Variants in CDH13 observed in about 807,000 individuals in gnomAD.
CDH13 encodes cadherin 13.
In CDH13, 24 loss-of-function variants were observed where a neutral mutation model predicts 63.8. That is an observed-to-expected ratio of 0.38 (90% CI 0.27 to 0.53). The LOEUF (loss-of-function observed/expected upper bound fraction) is 0.53, where lower values mean the gene tolerates loss of function less well. CDH13 is among the 20% of genes least tolerant of loss of function. The pLI is 0.85. For synonymous variants in CDH13, 503 were observed against 355.3 expected, an observed-to-expected ratio of 1.42 and a Z score of -4.67; for missense variants, 1,049 against 903.1, an observed-to-expected ratio of 1.16 and a Z score of -2.07.
chr16:82,723,672 A>T (rs1415827215), intron 1 of CDH13, among the ~76,000 whole-genome samples: 1 of 152,214 alleles, frequency 6.6e-6, no homozygotes, highest in Non-Finnish European at 1.5e-5. Context: ...ACAAAACTCC[A>T]CACCAGATTG....
chr16:83,780,010 T>C lies in CDH13; in HGVS notation c.1724T>C (p.Leu575Pro). 1 of 1,613,926 alleles carries C rather than the reference T, an allele frequency of 6.2e-7. No individual in the cohort carries two copies. Among genetic ancestry groups the C allele is most frequent in the Non-Finnish European group, 8.5e-7 (1 of 1,179,824 alleles). Residue 575 changes from leucine (L) to proline (P), a missense_variant, in exon 12 of 14, where the codon CTG (leucine) becomes CCG (proline). Physicochemically the swap from Leu to Pro is moderately conservative, Grantham distance 98 (BLOSUM62 -3). Transcript: ENST00000567109. ...ATGTGTLLIT[L>P]EDVNDNAPFI... is the part of the protein sequence containing the mutation. ...GGCACTGGGACTTTGCTGATAACCC[T>C]GGAGGACGTGAATGACAATGCCCCG...
At chr16:83,750,976 TA>T (rs11297972) in intron 11 of CDH13, among the ~76,000 whole-genome samples, 72,660 of 147,822 alleles carry the variant, frequency 0.49, 18,563 homozygotes, top group African/African-American at 0.68. Context: ...CTTAACTATT[TA>T]AAAAAAAAAA....
intron 8 of CDH13, among the ~76,000 whole-genome samples, chr16:83,663,408 T>C (rs1277861952): frequency 6.6e-6 from 1 of 152,210 alleles, no homozygotes; most frequent in Non-Finnish European, 1.5e-5. Context: ...ATCTCTGTCA[T>C]TTGGACTACA....
intron 6 of CDH13, among the ~76,000 whole-genome samples, chr16:83,438,384 C>T (rs1402066494): frequency 6.6e-6 from 1 of 152,180 alleles, no homozygotes; most frequent in Non-Finnish European, 1.5e-5. Context: ...ACTTACCTTC[C>T]TGTAGGTTGA....
intron 1 of CDH13, among the ~76,000 whole-genome samples, chr16:82,856,670 G>A (rs1428425167): frequency 7.5e-5 from 8 of 107,080 alleles, no homozygotes; most frequent in African/African-American, 2.5e-4. Context: ...CTCCAGCCTG[G>A]GCAACATGGC....
chr16:83,706,729 G>C (rs911938437), intron 10 of CDH13, among the ~76,000 whole-genome samples: 3 of 152,152 alleles, frequency 2.0e-5, no homozygotes, highest in African/African-American at 7.2e-5. Context: ...GAGAAGCAAA[G>C]AAAAATAGGA....
chr16:83,352,457 G>C (rs1350766043), intron 6 of CDH13, among the ~76,000 whole-genome samples: 2 of 152,100 alleles, frequency 1.3e-5, no homozygotes, highest in African/African-American at 4.8e-5. Context: ...CAGCAATCCT[G>C]CTACTACTGG....
At chr16:83,615,297 T>C (rs1186933792) in intron 8 of CDH13, among the ~76,000 whole-genome samples, 1 of 152,108 alleles carries the variant, frequency 6.6e-6, no homozygotes, top group Admixed American at 6.6e-5. Flanking sequence ...ACATTCTGCT[T>C]GCTCCAAAGA....
chr16:82,918,874 T>C (rs1190143504), intron 2 of CDH13, among the ~76,000 whole-genome samples: 1 of 152,204 alleles, frequency 6.6e-6, no homozygotes, highest in East Asian at 1.9e-4. Context: ...ACCCAAATTA[T>C]AAAGCCACCC....
chr16:83,292,753 G>A (rs2089494906), intron 5 of CDH13, among the ~76,000 whole-genome samples: 1 of 152,168 alleles, frequency 6.6e-6, no homozygotes, highest in African/African-American at 2.4e-5. Flanking sequence ...CTCAGGGTAT[G>A]TTCAGAAAAT....
intron 1 of CDH13, among the ~76,000 whole-genome samples, chr16:82,759,031 C>G (rs2034730325): frequency 6.6e-6 from 1 of 152,170 alleles, no homozygotes; most frequent in Non-Finnish European, 1.5e-5. Flanking sequence ...TAAGGGCTTT[C>G]TCAGCATTGG....
At chr16:83,694,431 G>C (rs969583488) in intron 10 of CDH13, among the ~76,000 whole-genome samples, 1 of 152,152 alleles carries the variant, frequency 6.6e-6, no homozygotes, top group African/African-American at 2.4e-5. Context: ...GGATGATAAA[G>C]GATGGGGAGC....
intron 1 of CDH13, among the ~76,000 whole-genome samples, chr16:82,701,512 C>T (rs573362797): frequency 6.6e-6 from 1 of 152,214 alleles, no homozygotes; most frequent in Non-Finnish European, 1.5e-5. Flanking sequence ...GATTGCACAA[C>T]TGGCAAACCT....
intron 2 of CDH13, among the ~76,000 whole-genome samples, chr16:82,903,177 A>C (rs1348274418): frequency 6.6e-6 from 1 of 152,256 alleles, no homozygotes; most frequent in Non-Finnish European, 1.5e-5. Context: ...AGGATAACCC[A>C]CAGAAACACT....
chr16:83,590,601 G>T (rs1035408147), intron 7 of CDH13, among the ~76,000 whole-genome samples: 1 of 151,812 alleles, frequency 6.6e-6, no homozygotes, highest in East Asian at 1.9e-4. Context: ...CGAAATGGAC[G>T]TAAAAAAAAA....
chr16:82,641,492 C>T (rs1327741569), intron 1 of CDH13, among the ~76,000 whole-genome samples: 1 of 152,110 alleles, frequency 6.6e-6, no homozygotes, highest in Non-Finnish European at 1.5e-5. Context: ...GGTTAAGCAC[C>T]CTCCTGCAGA....
chr16:83,737,562 A>G (rs138326276), intron 10 of CDH13, among the ~76,000 whole-genome samples: 217 of 152,104 alleles, frequency 1.4e-3, no homozygotes, highest in Middle Eastern at 6.8e-3. Context: ...TATGTTCCTG[A>G]GTTATTCCCC....
intron 5 of CDH13, among the ~76,000 whole-genome samples, chr16:83,240,371 T>C (rs1904318227): frequency 1.3e-5 from 2 of 152,098 alleles, no homozygotes; most frequent in African/African-American, 4.8e-5. Context: ...AGAGGCAGGA[T>C]GTGTTCAGAT....
At chr16:83,290,368 G>T (rs80174880) in intron 5 of CDH13, among the ~76,000 whole-genome samples, 4,762 of 152,186 alleles carry the variant, frequency 0.031, 225 homozygotes, top group African/African-American at 0.096. Flanking sequence ...CCAGTGGGAG[G>T]TAATTGAATC....
Sources: allele counts gnomAD v4.1 joint callset (sites outside exome capture counted in the v4.1 genomes callset), GRCh38; gene constraint gnomAD v4.1.1; transcripts MANE v1.5; gene names NCBI Gene and HGNC (gene_info 2026-07-23, HGNC 2026-07-21).